SLCO3A1: variants seen among roughly 807,000 people sequenced by gnomAD.
SLCO3A1 encodes solute carrier organic anion transporter family member 3A1, also known as PGE1 transporter.
A neutral mutation model predicts 63.1 loss-of-function variants in SLCO3A1; 27 were observed. That is an observed-to-expected ratio of 0.43 (90% CI 0.32 to 0.59). The LOEUF (loss-of-function observed/expected upper bound fraction) is 0.59, where lower values mean the gene tolerates loss of function less well. Among genes scored for constraint, SLCO3A1 ranks in the 20% least tolerant of loss-of-function variants. SLCO3A1 has a pLI of 0.09. For missense variants in SLCO3A1, 773 were observed against 945.8 expected (o/e 0.82, Z 2.40); for synonymous variants, 473 against 409.9 (o/e 1.15, Z -1.86).
intron 1 of SLCO3A1, among the ~76,000 whole-genome samples, chr15:91,866,257 G>A (rs1241766241): frequency 6.6e-6 from 1 of 152,180 alleles, no homozygotes; most frequent in African/African-American, 2.4e-5. Context: ...TGAGGAATAT[G>A]TGTTTGTGTA....
Position 92,165,781 on chromosome 15 carries a change from C to T in SLCO3A1, c.*2646C>T. On this transcript the variant is annotated 3_prime_UTR_variant, in exon 10 of 10. Transcript: ENST00000318445. ...GTGCTCTAAAGAAGCATTGTACATA[C>T]AACACTAGATCCAGCCCCTCGATTA... The T allele has an allele frequency of 1.0e-6, 1 of 985,268 alleles. No individual in the cohort carries two copies. Among genetic ancestry groups the T allele is most frequent in the South Asian group, 4.7e-5 (1 of 21,282 alleles). 61.0% of individuals were successfully genotyped at this position (985,268 alleles called of 1,614,324 possible).
rs964217874 is a variant in SLCO3A1 at position 91,894,449 on chromosome 15, G to A, written c.181-21544G>A. 1.4e-4 allele frequency among the ~76,000 whole-genome samples: 21 copies of A among 152,208 alleles called. No individual in the cohort carries two copies. The highest frequency in any genetic ancestry group is 6.8e-3 in the Middle Eastern group (2 of 294). On this transcript the variant is annotated intron_variant, in intron 1 of 9. Transcript: ENST00000318445. This position sits in a 1 kb window ranked among gnomAD's most constrained non-coding sequence, Gnocchi z 4.8. ...TATCTCAGGTGAGGGGTTGATGGTC[G>A]CCAGGTCATAGGTGGTAGCAGTGGA...
chr15:91,893,852 A>G (rs565239305), intron 1 of SLCO3A1, among the ~76,000 whole-genome samples: 2 of 152,238 alleles, frequency 1.3e-5, no homozygotes, highest in Non-Finnish European at 2.9e-5. Flanking sequence ...ACTAGCAATC[A>G]GCAAAGATAA....
chr15:92,079,998 A>G (rs1414583365), intron 2 of SLCO3A1, among the ~76,000 whole-genome samples: 1 of 152,172 alleles, frequency 6.6e-6, no homozygotes, highest in African/African-American at 2.4e-5. Context: ...CTCTGGATGG[A>G]TTTCCGGCCT....
chr15:91,966,903 T>C (rs1255571225), intron 2 of SLCO3A1, among the ~76,000 whole-genome samples: 3 of 152,190 alleles, frequency 2.0e-5, no homozygotes, highest in African/African-American at 7.2e-5. Context: ...GCTGGGCTGC[T>C]GCACCAATTA....
chr15:91,859,372 A>T lies in SLCO3A1; in HGVS notation c.180+5284A>T, dbSNP rs901116067. The stretch of plus-strand genomic sequence containing the variant: ...GAAAACAGATATAAACAGGAAAAAC[A>T]GTGGAATCATGGACCTTGGCTCATA... On this transcript the variant is annotated intron_variant, in intron 1 of 9. Coordinates refer to ENST00000318445, the MANE Select transcript of SLCO3A1 (RefSeq NM_013272.4). This position sits in a 1 kb window ranked among gnomAD's most constrained non-coding sequence, Gnocchi z 5.1. 1.3e-5 allele frequency among the ~76,000 whole-genome samples: 2 copies of T among 152,254 alleles called. No homozygotes were observed. The highest frequency in any genetic ancestry group is 4.8e-5 in the African/African-American group (2 of 41,468).
intron 2 of SLCO3A1, among the ~76,000 whole-genome samples, chr15:92,052,111 C>T (rs1229351561): frequency 1.3e-5 from 2 of 152,102 alleles, no homozygotes; most frequent in Non-Finnish European, 2.9e-5. Context: ...GCCATATCCC[C>T]AACCCCTCCT....
intron 2 of SLCO3A1, among the ~76,000 whole-genome samples, chr15:91,938,473 G>GTTTTTTTTTTTTT (rs1035027089): frequency 7.9e-6 from 1 of 126,744 alleles, no homozygotes; most frequent in African/African-American, 3.4e-5. Flanking sequence ...CTAAACATTG[G>GTTTTTTTTTTTTT]TTTTTTTTGT....
At chr15:91,864,179 G>A (rs1897111434) in intron 1 of SLCO3A1, among the ~76,000 whole-genome samples, 2 of 152,200 alleles carry the variant, frequency 1.3e-5, no homozygotes, top group African/African-American at 4.8e-5. Flanking sequence ...CAGGCATATT[G>A]TTTCTGTGGC....
rs150636679 is a variant in SLCO3A1 at position 92,076,105 on chromosome 15, G to A, written c.647-18776G>A. Among the ~76,000 whole-genome samples, 300 of 152,308 alleles carry A rather than the reference G, an allele frequency of 2.0e-3. 1 individual carries two copies. The highest frequency in any genetic ancestry group is 6.9e-3 in the African/African-American group (286 of 41,558). On this transcript the variant is annotated intron_variant, in intron 2 of 9. Coordinates refer to ENST00000318445, the MANE Select transcript of SLCO3A1 (RefSeq NM_013272.4). ...TTTTCACCAGGCTTCAAAATCAGCC[G>A]ACTGTCATGTCAGCAAGCGGCCGTG...
chr15:91,951,153 A>G (rs1471737363), intron 2 of SLCO3A1, among the ~76,000 whole-genome samples: 2 of 152,166 alleles, frequency 1.3e-5, no homozygotes, highest in Non-Finnish European at 2.9e-5. Flanking sequence ...AGGCAGTACA[A>G]CCATCACCAT....
chr15:92,086,103 T>C (rs747816361), intron 2 of SLCO3A1, among the ~76,000 whole-genome samples: 13 of 152,202 alleles, frequency 8.5e-5, no homozygotes, highest in Non-Finnish European at 1.9e-4. Context: ...CTTGGATGCT[T>C]CTCCAAGAAT....
At chr15:92,080,655 G>A (rs1439654536) in intron 2 of SLCO3A1, among the ~76,000 whole-genome samples, 1 of 152,122 alleles carries the variant, frequency 6.6e-6, no homozygotes, top group Non-Finnish European at 1.5e-5. Flanking sequence ...GGCCATACTC[G>A]GTGCCCCAGA....
chr15:92,147,122 G>C lies in SLCO3A1; in HGVS notation c.1651G>C (p.Ala551Pro). Reference protein sequence around the residue: ...CVMCICSLIGAMAQTPSVIIL... With the variant: ...CVMCICSLIGPMAQTPSVIIL... ...GATGTGTATCTGCAGCCTGATCGGTGCCATGGCACAGACACCCTCAGTCAT... is the reference window on the plus strand; with the variant it reads ...GATGTGTATCTGCAGCCTGATCGGTCCCATGGCACAGACACCCTCAGTCAT... Residue 551 changes from alanine (A) to proline (P), a missense_variant, in exon 8 of 10, where the codon GCC (alanine) becomes CCC (proline). Coordinates refer to ENST00000318445, the MANE Select transcript of SLCO3A1 (RefSeq NM_013272.4). The C allele has an allele frequency of 6.2e-7, 1 of 1,614,030 alleles. No individual in the cohort carries two copies. The highest frequency in any genetic ancestry group is 8.5e-7 in the Non-Finnish European group (1 of 1,179,984).
chr15:91,931,840 A>T (rs549077114), intron 2 of SLCO3A1, among the ~76,000 whole-genome samples: 45 of 141,538 alleles, frequency 3.2e-4, no homozygotes, highest in Non-Finnish European at 6.1e-4. Context: ...GGAGTAGATG[A>T]AGGGAAAAAA....
chr15:91,988,122 G>T lies in SLCO3A1; in HGVS notation c.646+71664G>T, dbSNP rs549352872. On this transcript the variant is annotated intron_variant, in intron 2 of 9. Transcript: ENST00000318445. Reference sequence around the variant, plus strand: ...ATATACTTTTGAAAAATGGCGTAGGGTTGGGTGCGGTGGTGCACGCCTATA... The same window carrying T: ...ATATACTTTTGAAAAATGGCGTAGGTTTGGGTGCGGTGGTGCACGCCTATA... Among the ~76,000 whole-genome samples, 4 of 152,322 alleles carry T rather than the reference G, an allele frequency of 2.6e-5. No individual in the cohort carries two copies. The South Asian group carries it at 6.2e-4, about 24-fold the overall frequency.
At chr15:91,935,673 G>T (rs1371814447) in intron 2 of SLCO3A1, among the ~76,000 whole-genome samples, 1 of 152,210 alleles carries the variant, frequency 6.6e-6, no homozygotes, top group East Asian at 1.9e-4. Flanking sequence ...ATGGGAGAGA[G>T]AAGGGCCTGC....
rs778480265 is a variant in SLCO3A1, at chr15:92,126,139, T to C, written c.1253T>C (p.Leu418Pro). The C allele has an allele frequency of 6.2e-7, 1 of 1,613,990 alleles. No homozygotes were observed. The highest frequency in any genetic ancestry group is 8.5e-7 in the Non-Finnish European group (1 of 1,179,958). Residue 418 changes from leucine to proline, a missense_variant, in exon 6 of 10, where the codon CTG (leucine) becomes CCG (proline). Leu to Pro is a moderately conservative substitution (Grantham distance 98). This residue lies in a region of SLCO3A1 where 565 missense variants were observed against 749.8 expected (regional missense o/e 0.75). Transcript: ENST00000318445. ...LLVKKLSLSA[L>P]GAIRMAMLVN... ...GTGAAGAAGCTCAGCCTGTCTGCCC[T>C]GGGGGCCATTCGGATGGCCATGCTC...
chr15:92,053,904 A>C (rs1327705389), intron 2 of SLCO3A1, among the ~76,000 whole-genome samples: 4 of 151,950 alleles, frequency 2.6e-5, no homozygotes, highest in Non-Finnish European at 2.9e-5. Flanking sequence ...GCTGTTTGGC[A>C]GGAAGTCACG....
Sources: gnomAD v4.1 joint callset for allele counts (sites outside exome capture counted in the v4.1 genomes callset) on GRCh38, gnomAD v4.1.1 for gene constraint, gnomAD v4.1.1 regional missense constraint, Gnocchi (gnomAD v3.1) non-coding constraint, MANE v1.5 for transcripts, NCBI Gene and HGNC (gene_info 2026-07-23, HGNC 2026-07-21) for gene names.